PRDM16: variants seen among roughly 807,000 people sequenced by gnomAD.
The protein encoded by PRDM16 is PR/SET domain 16.
In PRDM16, 23 loss-of-function variants were observed where a neutral mutation model predicts 110.6. The ratio of observed to expected loss-of-function variants is 0.21; its 90% CI spans 0.15 to 0.29. PRDM16 has a LOEUF of 0.29. PRDM16 is among the 10% of genes least tolerant of loss of function. The pLI is 1.00. For synonymous variants in PRDM16, 799 were observed against 781.8 expected, an observed-to-expected ratio of 1.02 and a Z score of -0.37; for missense variants, 1,615 against 1,794.3, an observed-to-expected ratio of 0.90 and a Z score of 1.81.
rs550327952 is a variant in PRDM16, at chr1:3,087,263, A to G, written c.37+17967A>G. On this transcript the variant is annotated intron_variant, in intron 1 of 16. Transcript: ENST00000270722. ...CCACCGGAGACCAGCCCCACCTGAG[A>G]CCAGCCCCACCTGAGGCCAGCCCCA... Among the ~76,000 whole-genome samples, 100 of 144,756 alleles carry G rather than the reference A, an allele frequency of 6.9e-4. 2 individuals carry two copies. The East Asian group carries it at 0.018, about 27-fold the overall frequency. 95.0% of individuals were successfully genotyped at this position (144,756 alleles called of 152,430 possible). A position where few individuals can be genotyped will look rare whatever the true frequency, so the allele number is the denominator to read the frequency against.
chr1:3,151,210 G>A (rs988480977), intron 1 of PRDM16, among the ~76,000 whole-genome samples: 5 of 152,216 alleles, frequency 3.3e-5, no homozygotes, highest in African/African-American at 1.2e-4. Context: ...ATGGGGGCAG[G>A]GCCCTGGGGC....
intron 1 of PRDM16, among the ~76,000 whole-genome samples, chr1:3,159,277 G>A (rs1049791257): frequency 2.6e-5 from 4 of 152,272 alleles, no homozygotes; most frequent in Admixed American, 2.6e-4. Flanking sequence ...AAGTACTGCT[G>A]CATTCGCCAG....
At chr1:3,408,784 G>A (rs373317239) in intron 8 of PRDM16, among the ~76,000 whole-genome samples, 5 of 143,144 alleles carry the variant, frequency 3.5e-5, no homozygotes, top group East Asian at 4.1e-4. Context: ...GTGTGGGCGC[G>A]TGAGCCGGTG....
At chr1:3,380,795 C>T (rs1194609216) in intron 3 of PRDM16, among the ~76,000 whole-genome samples, 1 of 152,192 alleles carries the variant, frequency 6.6e-6, no homozygotes, top group Non-Finnish European at 1.5e-5. Flanking sequence ...GAAGGGAGAG[C>T]CTATCCCCCA....
intron 3 of PRDM16, among the ~76,000 whole-genome samples, chr1:3,277,862 CT>C (rs1640627215): frequency 6.6e-6 from 1 of 152,234 alleles, no homozygotes; most frequent in Non-Finnish European, 1.5e-5. Context: ...TGCATAACCA[CT>C]GTGTAAACAC....
At chr1:3,230,998 G>A (rs1295267939) in intron 2 of PRDM16, among the ~76,000 whole-genome samples, 1 of 152,146 alleles carries the variant, frequency 6.6e-6, no homozygotes, top group Non-Finnish European at 1.5e-5. Flanking sequence ...CCTCTCTGCT[G>A]GCAGCTGGAC....
intron 2 of PRDM16, among the ~76,000 whole-genome samples, chr1:3,240,182 A>C (rs949510904): frequency 4.6e-5 from 7 of 151,864 alleles, no homozygotes; most frequent in Non-Finnish European, 8.8e-5. Flanking sequence ...ATCTATAATC[A>C]CAGAACTTTG....
At position 3,253,123 on chromosome 1, in the gene PRDM16, A is replaced by G. The variant is rs557839332; in HGVS notation, c.438+8986A>G. Among the ~76,000 whole-genome samples, 43 of 152,146 alleles carry G rather than the reference A, an allele frequency of 2.8e-4. 1 individual carries two copies. Among genetic ancestry groups the G allele is most frequent in the South Asian group, 2.5e-3 (12 of 4,810 alleles). ...ACGATTCTCCTGCATGGATCCCCAC[A>G]CTAGCCATCCAGGTAGTATCACCCC... On this transcript the variant is annotated intron_variant, in intron 3 of 16. Coordinates refer to ENST00000270722, the MANE Select transcript of PRDM16 (RefSeq NM_022114.4).
intron 1 of PRDM16, among the ~76,000 whole-genome samples, chr1:3,096,677 C>T (rs952079422): frequency 1.3e-5 from 2 of 152,194 alleles, no homozygotes; most frequent in Admixed American, 6.5e-5. Flanking sequence ...GCGAGGAAGA[C>T]GGCCCCGTCC....
chr1:3,420,933 A>C (rs1035368341), intron 12 of PRDM16, among the ~76,000 whole-genome samples: 1 of 150,340 alleles, frequency 6.7e-6, no homozygotes, highest in South Asian at 2.1e-4. Context: ...GCTGCCCGGG[A>C]CTCCTGCTGG....
Position 3,118,076 on chromosome 1 carries a change from TGC to T in PRDM16, c.37+48782_37+48783del, listed in dbSNP as rs1000818879. Reference sequence around the variant, plus strand: ...CTGTGTGTGTACATGCATGTGTGTGTGCGTGCATGTGTATGTGTGTACATGCA... The same window carrying T: ...CTGTGTGTGTACATGCATGTGTGTGTGTGCATGTGTATGTGTGTACATGCA... On this transcript the variant is annotated intron_variant, in intron 1 of 16. Coordinates refer to ENST00000270722, the MANE Select transcript of PRDM16 (RefSeq NM_022114.4). Among the ~76,000 whole-genome samples, 7 of 150,832 alleles carry T rather than the reference TGC, an allele frequency of 4.6e-5. No homozygotes were observed. In the East Asian group the frequency reaches 5.9e-4, roughly 13 times the overall value.
chr1:3,415,959 C>T (rs1426040606), intron 10 of PRDM16, among the ~76,000 whole-genome samples: 2 of 152,252 alleles, frequency 1.3e-5, no homozygotes, highest in Non-Finnish European at 2.9e-5. Context: ...TGGTGAGGCC[C>T]AGTTGATGGC....
At chr1:3,104,794 C>T (rs1642613774) in intron 1 of PRDM16, among the ~76,000 whole-genome samples, 1 of 152,186 alleles carries the variant, frequency 6.6e-6, no homozygotes, top group African/African-American at 2.4e-5. Context: ...CGCCCACAGA[C>T]ATGGACCCTG....
intron 3 of PRDM16, among the ~76,000 whole-genome samples, chr1:3,284,022 C>T (rs960668382): frequency 2.0e-5 from 3 of 152,162 alleles, no homozygotes; most frequent in African/African-American, 4.8e-5. Flanking sequence ...GCTGGGATGC[C>T]GCCATCCTAG....
intron 11 of PRDM16, 78 bp from the exon 12 acceptor site, chr1:3,418,589 C>G (rs1291255285): frequency 9.9e-7 from 1 of 1,009,000 alleles, no homozygotes; most frequent in Non-Finnish European, 1.6e-6. Flanking sequence ...CGAGCATTAG[C>G]TTGAAACCAT....
chr1:3,179,521 A>G (rs1284829685), intron 1 of PRDM16, among the ~76,000 whole-genome samples: 1 of 152,228 alleles, frequency 6.6e-6, no homozygotes, highest in African/African-American at 2.4e-5. Flanking sequence ...AGAGGCTGTG[A>G]CATCACATCC....
At chr1:3,149,856 G>T (rs1466754032) in intron 1 of PRDM16, among the ~76,000 whole-genome samples, 1 of 152,230 alleles carries the variant, frequency 6.6e-6, no homozygotes, top group Non-Finnish European at 1.5e-5. Context: ...CTTAAGGCCA[G>T]GGACACGGGT....
Position 3,213,430 on chromosome 1 carries a change from G to A in PRDM16, c.387+26956G>A, listed in dbSNP as rs995396313. 6.6e-6 allele frequency among the ~76,000 whole-genome samples: 1 copy of A among 152,168 alleles called. No homozygotes were observed. The highest frequency in any genetic ancestry group is 2.1e-4 in the South Asian group (1 of 4,822). ...CGCCATTGTCATTAATTATAAAATTGGGAGGACTGTAATTTTCCACTTAGG... is the reference window on the plus strand; with the variant it reads ...CGCCATTGTCATTAATTATAAAATTAGGAGGACTGTAATTTTCCACTTAGG... On this transcript the variant is annotated intron_variant, in intron 2 of 16. Coordinates refer to ENST00000270722, the MANE Select transcript of PRDM16 (RefSeq NM_022114.4). The surrounding 1 kb of genome is among the most constrained non-coding windows in gnomAD (Gnocchi z 5.3).
At chr1:3,119,392 G>A (rs970191843) in intron 1 of PRDM16, among the ~76,000 whole-genome samples, 1 of 152,256 alleles carries the variant, frequency 6.6e-6, no homozygotes, top group Non-Finnish European at 1.5e-5. Context: ...TCATTTCCTT[G>A]AGAGGATGCG....
Sources: allele counts gnomAD v4.1 joint callset (sites outside exome capture counted in the v4.1 genomes callset), GRCh38; gene constraint gnomAD v4.1.1; non-coding constraint Gnocchi (gnomAD v3.1); transcripts MANE v1.5; gene names NCBI Gene and HGNC (gene_info 2026-07-23, HGNC 2026-07-21).